The following UBXN2A variants were observed in gnomAD, a reference collection of about 807,000 sequenced individuals.
The protein encoded by UBXN2A is UBX domain-containing protein 2A.
UBXN2A carries 28 observed loss-of-function variants against 28.4 expected under a neutral mutation model. The ratio of observed to expected loss-of-function variants is 0.99; its 90% CI spans 0.73 to 1.35. The LOEUF (loss-of-function observed/expected upper bound fraction) is 1.35. Among genes scored for constraint, UBXN2A ranks in the 40% most tolerant of loss-of-function variants. The pLI is 0.00. For missense variants in UBXN2A, 253 were observed against 297.9 expected, an observed-to-expected ratio of 0.85 and a Z score of 1.11; for synonymous variants, 97 against 103.6, an observed-to-expected ratio of 0.94 and a Z score of 0.39.
chr2:24,000,349 C>G lies in UBXN2A; in HGVS notation c.*482C>G, dbSNP rs930719693. On this transcript the variant is annotated 3_prime_UTR_variant, in exon 7 of 7. Coordinates refer to ENST00000309033, the MANE Select transcript of UBXN2A (RefSeq NM_181713.4). ...ACGAGGTCAACAGATTGAGACCATC[C>G]TGGCAAACATGGTGAAACCCCATCT... 6.6e-6 allele frequency: 1 copy of G among 152,540 alleles called. No individual in the cohort carries two copies. The highest frequency in any genetic ancestry group is 2.4e-5 in the African/African-American group (1 of 41,384). The allele number at this position is 152,540 out of a possible 1,614,324, so 9.4% of individuals were successfully genotyped here. A position where few individuals can be genotyped will look rare whatever the true frequency, so the allele number is the denominator to read the frequency against.
At chr2:23,964,097 G>A (rs987080707) in intron 2 of UBXN2A, among the ~76,000 whole-genome samples, 12 of 149,344 alleles carry the variant, frequency 8.0e-5, no homozygotes, top group African/African-American at 5.0e-5. Context: ...GTGTCACTGC[G>A]CTTCTCCATT....
chr2:23,968,097 G>C (rs1707248951), intron 2 of UBXN2A, among the ~76,000 whole-genome samples: 1 of 152,142 alleles, frequency 6.6e-6, no homozygotes, highest in Non-Finnish European at 1.5e-5. Context: ...CCAAGGCTCA[G>C]TGATAGCTAT....
At chr2:23,992,048 T>C (rs1708374885) in intron 6 of UBXN2A, among the ~76,000 whole-genome samples, 1 of 152,194 alleles carries the variant, frequency 6.6e-6, no homozygotes, top group Admixed American at 6.5e-5. Context: ...CTCAGCTCAC[T>C]GCAACCTCCG....
At chr2:23,929,505 A>G (rs2150780100) in intron 1 of UBXN2A, among the ~76,000 whole-genome samples, 1 of 151,964 alleles carries the variant, frequency 6.6e-6, no homozygotes, top group East Asian at 1.9e-4. Flanking sequence ...TGAGGTCAGG[A>G]GTTCGAGACC....
intron 6 of UBXN2A, among the ~76,000 whole-genome samples, chr2:23,987,633 C>T (rs1708181478): frequency 6.6e-6 from 1 of 151,694 alleles, no homozygotes; most frequent in Non-Finnish European, 1.5e-5. Flanking sequence ...AAAAAATTAG[C>T]CGGGCGTGGT....
In UBXN2A at chr2:23,982,897, G is replaced by C; in HGVS notation, c.289G>C (p.Glu97Gln). The change falls in exon 5 of 7, where the codon GAA becomes CAA. Residue 97 changes from glutamate (E) to glutamine (Q), a missense_variant and splice_region_variant. Coordinates refer to ENST00000309033, the MANE Select transcript of UBXN2A (RefSeq NM_181713.4). ...QQFLNSIKKG[E>Q]LPSELQGIFD... is the part of the protein sequence containing the mutation. ...CATTTTCTTTCTTTGTTTTCCAAGG[G>C]AATTACCTTCAGAATTACAGGGAAT... 6.3e-7 allele frequency: 1 copy of C among 1,599,730 alleles called. No individual in the cohort carries two copies. The highest frequency in any genetic ancestry group is 1.1e-5 in the South Asian group (1 of 87,694).
In UBXN2A at chr2:24,002,500, C is replaced by T. The variant is rs553925473; in HGVS notation, c.*2633C>T. ...ATCTTGGCTCACTGCAACTTGTCCC[C>T]CCGGGTTCAAGCGATTCTTCTGCCA... On this transcript the variant is annotated 3_prime_UTR_variant, in exon 7 of 7. Coordinates refer to ENST00000309033, the MANE Select transcript of UBXN2A (RefSeq NM_181713.4). 6.6e-6 allele frequency: 1 copy of T among 152,160 alleles called. No homozygotes were observed. The highest frequency in any genetic ancestry group is 2.4e-5 in the African/African-American group (1 of 41,428). 9.4% of individuals were successfully genotyped at this position (152,160 alleles called of 1,614,324 possible).
intron 1 of UBXN2A, chr2:23,943,738 G>T (rs546844519): frequency 5.1e-6 from 1 of 196,990 alleles, no homozygotes; most frequent in African/African-American, 2.4e-5. Context: ...TAATCTGCCC[G>T]TCTTGGCCTC....
chr2:23,972,876 A>C (rs1283392088), intron 3 of UBXN2A, among the ~76,000 whole-genome samples: 2 of 152,162 alleles, frequency 1.3e-5, no homozygotes, highest in Non-Finnish European at 2.9e-5. Context: ...TTGAATACAC[A>C]TGGTAATATT....
chr2:23,999,942 T>C lies in UBXN2A; in HGVS notation c.*75T>C. On this transcript the variant is annotated 3_prime_UTR_variant, in exon 7 of 7. Transcript: ENST00000309033. ...GGACATGCAAACCAAAATTGGGGAT[T>C]GGAGAAGTCAGACTCACTAGACTTT... 1 of 1,491,286 alleles carries C rather than the reference T, an allele frequency of 6.7e-7. No homozygotes were observed. The highest frequency in any genetic ancestry group is 2.3e-5 in the East Asian group (1 of 43,942). 92.4% of individuals were successfully genotyped at this position (1,491,286 alleles called of 1,614,324 possible).
chr2:23,983,421 C>T (rs540556046), intron 5 of UBXN2A, among the ~76,000 whole-genome samples: 7 of 152,020 alleles, frequency 4.6e-5, no homozygotes, highest in South Asian at 4.2e-4. Context: ...GCAGGAGAAT[C>T]GCTTGAACCT....
chr2:23,965,500 A>G (rs142104470), intron 2 of UBXN2A, among the ~76,000 whole-genome samples: 23 of 152,276 alleles, frequency 1.5e-4, no homozygotes, highest in African/African-American at 5.3e-4. Flanking sequence ...TAGGCTAATG[A>G]TGTGATAGAT....
chr2:23,976,590 T>C (rs1362168751), intron 3 of UBXN2A, among the ~76,000 whole-genome samples: 3 of 151,986 alleles, frequency 2.0e-5, no homozygotes, highest in Admixed American at 1.3e-4. Flanking sequence ...ACCCACCAGA[T>C]CTCGTGAGAC....
At chr2:23,935,221 ATAAAT>A (rs1705488700) in intron 1 of UBXN2A, among the ~76,000 whole-genome samples, 1 of 152,244 alleles carries the variant, frequency 6.6e-6, no homozygotes, top group Non-Finnish European at 1.5e-5. Flanking sequence ...CAAAACAAGA[ATAAAT>A]TAATTTGACT....
At chr2:23,981,661 A>C (rs1237924865) in intron 4 of UBXN2A, among the ~76,000 whole-genome samples, 1 of 151,868 alleles carries the variant, frequency 6.6e-6, no homozygotes, top group African/African-American at 2.4e-5. Flanking sequence ...TGGGAGGCTG[A>C]GGTGGGCAGA....
intron 4 of UBXN2A, among the ~76,000 whole-genome samples, chr2:23,982,385 A>G (rs866656028): frequency 6.6e-6 from 1 of 151,956 alleles, no homozygotes; most frequent in South Asian, 2.1e-4. Flanking sequence ...AAAAAAGTTT[A>G]CAAATTTTTG....
intron 4 of UBXN2A, among the ~76,000 whole-genome samples, chr2:23,977,670 G>A (rs1707729574): frequency 6.6e-6 from 1 of 152,086 alleles, no homozygotes; most frequent in African/African-American, 2.4e-5. Context: ...AAAAAACAAC[G>A]AGCTGGAATG....
chr2:23,975,640 C>A (rs1183757996), intron 3 of UBXN2A, among the ~76,000 whole-genome samples: 1 of 152,064 alleles, frequency 6.6e-6, no homozygotes, highest in African/African-American at 2.4e-5. Context: ...CATCTACTTT[C>A]TTTTTTCGTT....
intron 2 of UBXN2A, 116 bp from the exon 3 acceptor site, chr2:23,971,160 C>A: frequency 1.7e-6 from 2 of 1,152,710 alleles, no homozygotes; most frequent in Non-Finnish European, 2.3e-6. Context: ...TAGGAGAGGG[C>A]CTGAACTACA....
Sources: allele counts gnomAD v4.1 joint callset (sites outside exome capture counted in the v4.1 genomes callset), GRCh38; gene constraint gnomAD v4.1.1; transcripts MANE v1.5; gene names NCBI Gene and HGNC (gene_info 2026-07-23, HGNC 2026-07-21).